Variants in LTBP4 observed in about 807,000 individuals in gnomAD.
The protein encoded by LTBP4 is latent transforming growth factor beta binding protein 4, also known as latent-transforming growth factor beta-binding protein 4.
LTBP4 carries 93 observed loss-of-function variants against 180.2 expected under a neutral mutation model. The observed-to-expected ratio is 0.52, with a 90% CI of 0.44 to 0.61. The LOEUF is 0.61. LTBP4 is among the 20% of genes least tolerant of loss of function. The pLI is 0.00. For missense variants in LTBP4, 2,116 were observed against 2,256.5 expected (o/e 0.94, Z 1.26); for synonymous variants, 947 against 934.5 (o/e 1.01, Z -0.24).
At chr19:40,597,198 G>C (rs2081395333), upstream of LTBP4, 6 of 1,423,534 alleles carry the variant, frequency 4.2e-6, no homozygotes, top group Non-Finnish European at 5.5e-6. Flanking sequence ...CCGCTGGACA[G>C]ACCGCCCGCC....
chr19:40,613,692 GGGGCGT>G lies in LTBP4; in HGVS notation c.2557+166_2557+171del. On this transcript the variant is annotated intron_variant, in intron 17 of 29. Transcript: ENST00000396819. This position sits in a 1 kb window ranked among gnomAD's most constrained non-coding sequence, Gnocchi z 5.0. ...GAGTCTCGAGGCAGTGAGGGGGGGC[GGGGCGT>G]GGAGATGAAAGGGCCGAGTCTGGGT... 1 of 1,274,072 alleles carries G rather than the reference GGGGCGT, an allele frequency of 7.8e-7. No homozygotes were observed. The highest frequency in any genetic ancestry group is 1.1e-6 in the Non-Finnish European group (1 of 913,952). The allele number at this position is 1,274,072 out of a possible 1,614,324, so 78.9% of individuals were successfully genotyped here.
chr19:40,626,074 A>G, intron 27 of LTBP4, 65 bp downstream of exon 27: 2 of 1,490,974 alleles, frequency 1.3e-6, no homozygotes, highest in Non-Finnish European at 8.9e-7. Context: ...CTAGGCCCTC[A>G]GATCCCCAGT....
rs766949701 is a variant in LTBP4, at chr19:40,622,637, C to T, written c.3454C>T (p.Arg1152Cys). 11 of 1,607,950 alleles carry T rather than the reference C, an allele frequency of 6.8e-6. No homozygotes were observed. The highest frequency in any genetic ancestry group is 1.3e-5 in the African/African-American group (1 of 74,738). The change falls in exon 23 of 30, where the codon CGC (arginine) becomes TGC (cysteine). Residue 1152 changes from arginine (R) to cysteine (C), a missense_variant. Coordinates refer to ENST00000396819, the MANE Select transcript of LTBP4 (RefSeq NM_001042545.2). This position sits in a 1 kb window ranked among gnomAD's most constrained non-coding sequence, Gnocchi z 5.1. ...GGGTGAGGGCTGGGGCAGCGGCTGCCGCATCCAGCAGTGCCCGGGCACCGA... is the reference window on the plus strand; with the variant it reads ...GGGTGAGGGCTGGGGCAGCGGCTGCTGCATCCAGCAGTGCCCGGGCACCGA... ...TVGEGWGSGC[R>C]IQQCPGTETA...
chr19:40,595,483 C>A (rs932522044), intron 1 of LTBP4, among the ~76,000 whole-genome samples: 3 of 152,018 alleles, frequency 2.0e-5, no homozygotes, highest in African/African-American at 7.2e-5. Context: ...CTGGCTCTGC[C>A]CCCTCCTGCA....
rs373021165 is a variant in LTBP4, at chr19:40,617,321, G to A, written c.3070+96G>A. 2.1e-5 allele frequency: 30 copies of A among 1,456,234 alleles called. No homozygotes were observed. The South Asian group carries it at 2.6e-4, about 13-fold the overall frequency. 90.2% of individuals were successfully genotyped at this position (1,456,234 alleles called of 1,614,324 possible). Reference sequence around the variant, plus strand: ...TATATCTGAACAAATGGGAATTTTCGGGTTGTGGAATTTAGACTTTGGAAT... The same window carrying A: ...TATATCTGAACAAATGGGAATTTTCAGGTTGTGGAATTTAGACTTTGGAAT... On this transcript the variant is annotated intron_variant, in intron 21 of 29. Coordinates refer to ENST00000396819, the MANE Select transcript of LTBP4 (RefSeq NM_001042545.2).
Position 40,613,349 on chromosome 19 carries a change from A to G in LTBP4, c.2432-55A>G. ...GGCGGGGTTACTGCGATGTGGGCGG[A>G]GCTTGTCTGGGAGGCCGGGTCCCGT... On this transcript the variant is annotated intron_variant, in intron 16 of 29. Coordinates refer to ENST00000396819, the MANE Select transcript of LTBP4 (RefSeq NM_001042545.2). The surrounding 1 kb of genome is among the most constrained non-coding windows in gnomAD (Gnocchi z 5.0). The G allele has an allele frequency of 6.3e-7, 1 of 1,579,222 alleles. No homozygotes were observed. The highest frequency in any genetic ancestry group is 8.6e-7 in the Non-Finnish European group (1 of 1,164,532).
At chr19:40,624,312 C>T (rs1279994637) in intron 26 of LTBP4, among the ~76,000 whole-genome samples, 1 of 152,266 alleles carries the variant, frequency 6.6e-6, no homozygotes, top group Non-Finnish European at 1.5e-5. Flanking sequence ...TGCATGTTGC[C>T]TCTTGGACTC....
chr19:40,605,021 C>T lies in LTBP4; in HGVS notation c.251-14C>T. On this transcript the variant is annotated splice_polypyrimidine_tract_variant and intron_variant, in intron 1 of 29. Transcript: ENST00000396819. The surrounding 1 kb of genome is among the most constrained non-coding windows in gnomAD (Gnocchi z 5.5). ...GAATGGTGGCGCCCCTGAGTGTCCT[C>T]GTTCTCCTCCCAGTCCTGTGTCCCT... The T allele has an allele frequency of 6.3e-7, 1 of 1,599,160 alleles. No homozygotes were observed. The highest frequency in any genetic ancestry group is 8.5e-7 in the Non-Finnish European group (1 of 1,169,720).
At position 40,611,791 on chromosome 19, in the gene LTBP4, T is replaced by C. The variant is rs1161736635; in HGVS notation, c.2054-68T>C. 22 of 1,539,202 alleles carry C rather than the reference T, an allele frequency of 1.4e-5. No individual in the cohort carries two copies. The highest frequency in any genetic ancestry group is 8.8e-7 in the Non-Finnish European group (1 of 1,137,370). ...CAGGCTCAAGACTGGAATGCTGGGG[T>C]GGGTGGTGATGGCCATGGGAATGGA... is the stretch of plus-strand genomic sequence containing the variant. On this transcript the variant is annotated intron_variant, in intron 13 of 29. Coordinates refer to ENST00000396819, the MANE Select transcript of LTBP4 (RefSeq NM_001042545.2). The surrounding 1 kb of genome is among the most constrained non-coding windows in gnomAD (Gnocchi z 4.4).
intron 12 of LTBP4, 66 bp downstream of exon 12, chr19:40,610,723 C>T (rs533987099): frequency 2.6e-6 from 4 of 1,514,704 alleles, no homozygotes; most frequent in Non-Finnish European, 3.5e-6. Context: ...GTGATGAGGG[C>T]CAGAGAGACT....
rs2146032346 is a variant in LTBP4 at position 40,613,202 on chromosome 19, C to T, written c.2431+6C>T. 2 of 1,562,808 alleles carry T rather than the reference C, an allele frequency of 1.3e-6. No individual in the cohort carries two copies. The highest frequency in any genetic ancestry group is 1.7e-6 in the Non-Finnish European group (2 of 1,153,574). On this transcript the variant is annotated splice_donor_region_variant and intron_variant, in intron 16 of 29. Transcript: ENST00000396819. This position sits in a 1 kb window ranked among gnomAD's most constrained non-coding sequence, Gnocchi z 5.0. ...TCGGCCCGGGCCCTGCGCAGGTGAGCAGCATAGGGACCCGCCAGAGAGTCT... is the reference window on the plus strand; with the variant it reads ...TCGGCCCGGGCCCTGCGCAGGTGAGTAGCATAGGGACCCGCCAGAGAGTCT...
At chr19:40,607,294 C>A in intron 6 of LTBP4, 71 bp from the exon 7 acceptor site, 2 of 1,054,968 alleles carry the variant, frequency 1.9e-6, no homozygotes, top group South Asian at 1.4e-5. Flanking sequence ...CCATTCCCCT[C>A]TCTCCCAAAT....
intron 22 of LTBP4, among the ~76,000 whole-genome samples, chr19:40,620,098 G>A (rs547403661): frequency 1.3e-5 from 2 of 152,308 alleles, no homozygotes; most frequent in African/African-American, 2.4e-5. Flanking sequence ...GTTCAACATG[G>A]CATGATTTAG....
chr19:40,599,044 G>A (rs1254894481), upstream of LTBP4, among the ~76,000 whole-genome samples: 1 of 152,128 alleles, frequency 6.6e-6, no homozygotes, highest in African/African-American at 2.4e-5. Flanking sequence ...TGTACAGATG[G>A]AGAAACTGAG....
chr19:40,593,382 A>G (rs1038027697), intron 1 of LTBP4, among the ~76,000 whole-genome samples: 1 of 152,082 alleles, frequency 6.6e-6, no homozygotes, highest in Non-Finnish European at 1.5e-5. Flanking sequence ...ATTTGGGACT[A>G]CAGGTGTGTG....
intron 11 of LTBP4, chr19:40,610,180 C>A (rs2081495197): frequency 5.9e-6 from 3 of 504,264 alleles, no homozygotes; most frequent in East Asian, 6.4e-5. Flanking sequence ...CTCCCTCCCC[C>A]AGGCCCCGCC....
chr19:40,623,868 G>T, intron 25 of LTBP4, 68 bp from the exon 26 acceptor site: 1 of 1,603,402 alleles, frequency 6.2e-7, no homozygotes, highest in Non-Finnish European at 8.5e-7. Context: ...CTGCCAATGT[G>T]CTGGGAAGAG....
chr19:40,607,307 C>G (rs2081470157), intron 6 of LTBP4, 58 bp from the exon 7 acceptor site: 5 of 1,464,824 alleles, frequency 3.4e-6, no homozygotes, highest in Non-Finnish European at 3.7e-6. Flanking sequence ...TCCCAAATCC[C>G]TCAGTGCTAC....
intron 1 of LTBP4, among the ~76,000 whole-genome samples, chr19:40,595,559 C>T (rs1268151801): frequency 6.6e-6 from 1 of 151,978 alleles, no homozygotes; most frequent in Non-Finnish European, 1.5e-5. Context: ...TGAATGCTCC[C>T]AAGAGCTTTG....
Sources: allele counts gnomAD v4.1 joint callset (sites outside exome capture counted in the v4.1 genomes callset), GRCh38; gene constraint gnomAD v4.1.1; non-coding constraint Gnocchi (gnomAD v3.1); transcripts MANE v1.5; gene names NCBI Gene and HGNC (gene_info 2026-07-23, HGNC 2026-07-21).